Variants in BLM observed in about 807,000 individuals in gnomAD.
BLM encodes the protein BLM RecQ like helicase.
Under a neutral mutation model 135.3 loss-of-function variants are expected in BLM, and 95 were observed. That is an observed-to-expected ratio of 0.70 (90% CI 0.59 to 0.83). BLM has a LOEUF of 0.83. BLM is among the 40% of genes least tolerant of loss of function. The pLI is 0.00. For missense variants in BLM, 1,518 were observed against 1,663.9 expected (o/e 0.91, Z 1.53); for synonymous variants, 520 against 589.2 (o/e 0.88, Z 1.70).
chr15:90,727,318 T>C (rs944094959), intron 1 of BLM, among the ~76,000 whole-genome samples: 3 of 152,172 alleles, frequency 2.0e-5, no homozygotes, highest in African/African-American at 7.2e-5. Flanking sequence ...CTGGCCCTAA[T>C]TGTGGTTTTG....
chr15:90,778,524 TC>T, intron 12 of BLM, among the ~76,000 whole-genome samples: 1 of 152,316 alleles, frequency 6.6e-6, no homozygotes, highest in East Asian at 1.9e-4. Context: ...AATCTCCTTT[TC>T]CCCTCACATC....
intron 1 of BLM, among the ~76,000 whole-genome samples, chr15:90,725,510 T>C (rs1596196644): frequency 2.0e-5 from 3 of 151,628 alleles, no homozygotes; most frequent in Admixed American, 6.6e-5. Flanking sequence ...TTTTTTTTTT[T>C]TGAGGCGGAG....
chr15:90,798,096 G>A, intron 16 of BLM, 94 bp from the exon 17 acceptor site: 2 of 1,153,316 alleles, frequency 1.7e-6, no homozygotes, highest in Non-Finnish European at 1.2e-6. Flanking sequence ...CTGGAAATGG[G>A]TTATGATGAA....
Position 90,760,857 on chromosome 15 carries a change from A to T in BLM, c.1484A>T (p.His495Leu). The change falls in exon 7 of 22, where the codon CAT (histidine) becomes CTT (leucine). Residue 495 changes from histidine to leucine, a missense_variant. This residue lies in a region of BLM where 724 missense variants were observed against 756.9 expected (regional missense o/e 0.96). Transcript: ENST00000355112. ...NLFERPLFNT[H>L]LQKSFVSSNW... ...TTTGAAAGGCCTTTATTCAATACCCATTTACAGAAGTCCTTTGTAAGTAGC... is the reference window on the plus strand; with the variant it reads ...TTTGAAAGGCCTTTATTCAATACCCTTTTACAGAAGTCCTTTGTAAGTAGC... 6.2e-7 allele frequency: 1 copy of T among 1,614,080 alleles called. No homozygotes were observed. The highest frequency in any genetic ancestry group is 8.5e-7 in the Non-Finnish European group (1 of 1,180,026).
At chr15:90,729,759 G>C (rs1895016389) in intron 1 of BLM, among the ~76,000 whole-genome samples, 1 of 152,240 alleles carries the variant, frequency 6.6e-6, no homozygotes, top group Admixed American at 6.5e-5. Context: ...TCAGGATATA[G>C]ACATCTTTGG....
intron 5 of BLM, among the ~76,000 whole-genome samples, chr15:90,757,429 C>G (rs1382746145): frequency 6.6e-6 from 1 of 152,204 alleles, no homozygotes; most frequent in Admixed American, 6.5e-5. Context: ...CCCTCTGAGC[C>G]TGTCTTGGCT....
At chr15:90,801,107 C>G (rs959032505) in intron 17 of BLM, among the ~76,000 whole-genome samples, 2 of 151,772 alleles carry the variant, frequency 1.3e-5, no homozygotes, top group Non-Finnish European at 2.9e-5. Flanking sequence ...TAAGATCGCA[C>G]CACTGCACTC....
rs1042795103 is a variant in BLM, at chr15:90,736,310, C to G, written c.-4-11079C>G. Among the ~76,000 whole-genome samples the G allele has an allele frequency of 3.9e-5, 6 of 152,096 alleles. No homozygotes were observed. In the South Asian group the frequency reaches 1.2e-3, roughly 32 times the overall value. ...GACAGGGTCTTGCTTGTTGCCCAGGCTGAAGTGCAGTAGTGTGATCTTGGC... is the reference window on the plus strand; with the variant it reads ...GACAGGGTCTTGCTTGTTGCCCAGGGTGAAGTGCAGTAGTGTGATCTTGGC... On this transcript the variant is annotated intron_variant, in intron 1 of 21. Coordinates refer to ENST00000355112, the MANE Select transcript of BLM (RefSeq NM_000057.4).
chr15:90,770,455 C>T (rs936624127), intron 12 of BLM, among the ~76,000 whole-genome samples: 6 of 152,154 alleles, frequency 3.9e-5, no homozygotes, highest in Admixed American at 2.0e-4. Context: ...GGATTACAGG[C>T]GTGAGCCACC....
chr15:90,733,656 G>T (rs1379625373), intron 1 of BLM, among the ~76,000 whole-genome samples: 1 of 152,104 alleles, frequency 6.6e-6, no homozygotes, highest in Non-Finnish European at 1.5e-5. Context: ...TTTTAAAGTA[G>T]CTTTATTGAT....
intron 4 of BLM, among the ~76,000 whole-genome samples, chr15:90,752,818 C>T (rs1054788295): frequency 5.9e-5 from 9 of 152,136 alleles, no homozygotes; most frequent in Non-Finnish European, 1.2e-4. Context: ...ATATACTAAA[C>T]TGAGCAAAAG....
chr15:90,781,715 G>A (rs1896621393), intron 12 of BLM, among the ~76,000 whole-genome samples: 1 of 152,192 alleles, frequency 6.6e-6, no homozygotes, highest in African/African-American at 2.4e-5. Flanking sequence ...GAGAGCTTAT[G>A]AATTTGTGTT....
At chr15:90,760,566 A>G in intron 6 of BLM, 28 bp from the exon 7 acceptor site, 1 of 1,585,176 alleles carries the variant, frequency 6.3e-7, no homozygotes, top group Non-Finnish European at 8.6e-7. Flanking sequence ...ACTTATATTT[A>G]ATACGTTGTT....
rs561912104 is a variant in BLM at position 90,801,503 on chromosome 15, A to G, written c.3359-2018A>G. On this transcript the variant is annotated intron_variant, in intron 17 of 21. Coordinates refer to ENST00000355112, the MANE Select transcript of BLM (RefSeq NM_000057.4). ...TGAAAGTTAGAAACATAATTAGTAC[A>G]TGACCCAACAGTATCATATAACTAG... is the stretch of plus-strand genomic sequence containing the variant. 4.6e-5 allele frequency among the ~76,000 whole-genome samples: 7 copies of G among 152,318 alleles called. No individual in the cohort carries two copies. The East Asian group carries it at 1.3e-3, about 29-fold the overall frequency.
chr15:90,734,698 G>GC (rs1490913975), intron 1 of BLM, among the ~76,000 whole-genome samples: 544 of 9,158 alleles, frequency 0.059, 3 homozygotes, highest in East Asian at 0.47. Context: ...CACACACGCA[G>GC]AGAGAGAGAG....
At chr15:90,756,809 G>C (rs1459001360) in intron 5 of BLM, among the ~76,000 whole-genome samples, 2 of 152,168 alleles carry the variant, frequency 1.3e-5, no homozygotes, top group Non-Finnish European at 2.9e-5. Flanking sequence ...AGAAGGAATG[G>C]GTGGGACATT....
In BLM at chr15:90,809,216, A is replaced by G. The variant is rs2151198335; in HGVS notation, c.3831A>G (p.Glu1277=). Residue 1277 remains glutamate, a synonymous_variant, in exon 20 of 22, where the codon GAA becomes GAG. Coordinates refer to ENST00000355112, the MANE Select transcript of BLM (RefSeq NM_000057.4). ...TEDKLEKYGA[E]VISVLQKYSE... ...ACAAACTGGAAAAATATGGTGCGGA[A>G]GTGATTTCAGTATTACAGAAATACT... is the stretch of plus-strand genomic sequence containing the variant. The G allele has an allele frequency of 6.2e-7, 1 of 1,614,234 alleles. No homozygotes were observed. The highest frequency in any genetic ancestry group is 8.5e-7 in the Non-Finnish European group (1 of 1,180,036).
chr15:90,765,265 T>C, intron 8 of BLM, 31 bp from the exon 9 acceptor site: 1 of 1,496,388 alleles, frequency 6.7e-7, no homozygotes, highest in Non-Finnish European at 9.3e-7. Flanking sequence ...AGACAGAACC[T>C]GACAGATATT....
intron 15 of BLM, among the ~76,000 whole-genome samples, chr15:90,792,637 C>T (rs945623494): frequency 1.3e-5 from 2 of 152,090 alleles, no homozygotes; most frequent in African/African-American, 4.8e-5. Flanking sequence ...AGTAGTATAA[C>T]AATGGTAATT....
Sources: gnomAD v4.1 joint callset for allele counts (sites outside exome capture counted in the v4.1 genomes callset) on GRCh38, gnomAD v4.1.1 for gene constraint, gnomAD v4.1.1 regional missense constraint, MANE v1.5 for transcripts, NCBI Gene and HGNC (gene_info 2026-07-23, HGNC 2026-07-21) for gene names.